Variants in USP49 observed in about 807,000 individuals in gnomAD.
USP49 encodes the protein ubiquitin carboxyl-terminal hydrolase 49.
USP49 carries 24 observed loss-of-function variants against 58.6 expected under a neutral mutation model. The ratio of observed to expected loss-of-function variants is 0.41; its 90% CI spans 0.30 to 0.58. USP49 has a LOEUF of 0.58. Among genes scored for constraint, USP49 ranks in the 20% least tolerant of loss-of-function variants. The pLI is 0.30. For synonymous variants in USP49, 408 were observed against 365.1 expected, an observed-to-expected ratio of 1.12 and a Z score of -1.34; for missense variants, 703 against 866.1, an observed-to-expected ratio of 0.81 and a Z score of 2.36.
chr6:41,820,143 A>G (rs750167842), intron 3 of USP49, among the ~76,000 whole-genome samples: 11 of 151,728 alleles, frequency 7.2e-5, no homozygotes, highest in Non-Finnish European at 1.3e-4. Flanking sequence ...CTGGGGAAAA[A>G]TGTTTTAAAA....
intron 3 of USP49, among the ~76,000 whole-genome samples, chr6:41,853,022 C>A (rs1774057391): frequency 1.3e-5 from 2 of 152,144 alleles, no homozygotes; most frequent in South Asian, 4.1e-4. Context: ...CCCATCTCTA[C>A]TAAAAATACA....
In USP49 at chr6:41,844,058, A is replaced by G. The variant is rs188513012; in HGVS notation, c.-29+27506T>C. Among the ~76,000 whole-genome samples, 628 of 151,918 alleles carry G rather than the reference A, an allele frequency of 4.1e-3. 5 individuals carry two copies. The highest frequency in any genetic ancestry group is 6.5e-3 in the Non-Finnish European group (439 of 67,974). ...AAAATCCATCTCAAAAAATAAATAA[A>G]TAAATACAAAAAATCAGCCAGGCAT... On this transcript the variant is annotated intron_variant, in intron 3 of 7. Transcript: ENST00000682992.
At position 41,791,738 on chromosome 6, in the gene USP49, A is replaced by C. The variant is rs1268396867; in HGVS notation, c.*4795T>G. 6.6e-6 allele frequency: 1 copy of C among 152,374 alleles called. No homozygotes were observed. The highest frequency in any genetic ancestry group is 2.1e-4 in the South Asian group (1 of 4,832). The allele number at this position is 152,374 out of a possible 1,614,324, so 9.4% of individuals were successfully genotyped here. On this transcript the variant is annotated 3_prime_UTR_variant, in exon 8 of 8. Coordinates refer to ENST00000682992, the MANE Select transcript of USP49 (RefSeq NM_001286554.2). ...AGTAGCTATGGTGTATTTAGTGCAGAGTGTGGGATGAATAAGTACATAGTA... is the reference window on the plus strand; with the variant it reads ...AGTAGCTATGGTGTATTTAGTGCAGCGTGTGGGATGAATAAGTACATAGTA...
chr6:41,840,672 T>C (rs1773809688), intron 3 of USP49, among the ~76,000 whole-genome samples: 1 of 152,192 alleles, frequency 6.6e-6, no homozygotes, highest in African/African-American at 2.4e-5. Context: ...GTATAAACTA[T>C]TGCTATTTTT....
chr6:41,815,775 G>A (rs1356920547), intron 3 of USP49, among the ~76,000 whole-genome samples: 1 of 152,204 alleles, frequency 6.6e-6, no homozygotes, highest in Non-Finnish European at 1.5e-5. Flanking sequence ...TGACATGCTA[G>A]GTGTGCCAGA....
At chr6:41,812,306 C>T (rs1274340615) in intron 3 of USP49, among the ~76,000 whole-genome samples, 3 of 151,412 alleles carry the variant, frequency 2.0e-5, no homozygotes, top group African/African-American at 7.3e-5. Context: ...CTTGAACTCC[C>T]GACCTCAGGT....
chr6:41,842,398 C>T (rs1210912175), intron 3 of USP49, among the ~76,000 whole-genome samples: 1 of 152,058 alleles, frequency 6.6e-6, no homozygotes, highest in Non-Finnish European at 1.5e-5. Context: ...CAAAAAAACA[C>T]ATACACAATG....
chr6:41,824,509 A>C (rs1582004568), intron 3 of USP49, among the ~76,000 whole-genome samples: 2 of 152,006 alleles, frequency 1.3e-5, no homozygotes, highest in African/African-American at 4.8e-5. Flanking sequence ...TCGGGAGTTC[A>C]AGACCAGCCT....
chr6:41,853,999 CGAAAAAAAA>C lies in USP49; in HGVS notation c.-29+17556_-29+17564del, dbSNP rs1250558598. Among the ~76,000 whole-genome samples, 13 of 58,864 alleles carry C rather than the reference CGAAAAAAAA, an allele frequency of 2.2e-4. No homozygotes were observed. In the East Asian group the frequency reaches 6.5e-3, roughly 29 times the overall value. The allele number at this position is 58,864 out of a possible 152,430, so 38.6% of individuals were successfully genotyped here. On this transcript the variant is annotated intron_variant, in intron 3 of 7. Coordinates refer to ENST00000682992, the MANE Select transcript of USP49 (RefSeq NM_001286554.2). ...GGGCAACAACAGCGAGACTCTGTCT[CGAAAAAAAA>C]AAAAAAAAAAAAAAAGAAGCAGGGT...
chr6:41,885,300 A>G (rs1774689769), intron 2 of USP49, among the ~76,000 whole-genome samples: 1 of 152,216 alleles, frequency 6.6e-6, no homozygotes, highest in African/African-American at 2.4e-5. Flanking sequence ...CTGGGCACAG[A>G]GAATAACATT....
At chr6:41,823,083 T>A (rs73424077) in intron 3 of USP49, among the ~76,000 whole-genome samples, 1,541 of 152,166 alleles carry the variant, frequency 0.01, 39 homozygotes, top group African/African-American at 0.036. Flanking sequence ...ACTCAAAATA[T>A]AGTATGTGAA....
chr6:41,796,239 A>T lies in USP49; in HGVS notation c.*294T>A. The T allele has an allele frequency of 5.8e-5, 16 of 278,244 alleles. No individual in the cohort carries two copies. Among genetic ancestry groups the T allele is most frequent in the Admixed American group, 9.0e-5 (2 of 22,114 alleles). The allele number at this position is 278,244 out of a possible 1,614,324, so 17.2% of individuals were successfully genotyped here. On this transcript the variant is annotated 3_prime_UTR_variant, in exon 8 of 8. Coordinates refer to ENST00000682992, the MANE Select transcript of USP49 (RefSeq NM_001286554.2). Reference sequence around the variant, plus strand: ...TCTCCTGTGTGGATATGATTGATTTACCCCCCCGCCCCGCTTTCCTCCACC... The same window carrying T: ...TCTCCTGTGTGGATATGATTGATTTTCCCCCCCGCCCCGCTTTCCTCCACC...
At chr6:41,802,503 T>C (rs1773038288) in intron 5 of USP49, among the ~76,000 whole-genome samples, 1 of 138,340 alleles carries the variant, frequency 7.2e-6, no homozygotes, top group Admixed American at 7.9e-5. Flanking sequence ...AGACAGCATC[T>C]CGCTCTGTCA....
intron 3 of USP49, among the ~76,000 whole-genome samples, chr6:41,810,202 C>T (rs144278758): frequency 0.011 from 1,678 of 151,474 alleles, 16 homozygotes; most frequent in Non-Finnish European, 0.017. Flanking sequence ...TAAAATAGGC[C>T]GGGTGCAGTG....
At chr6:41,882,791 C>T (rs887101376) in intron 2 of USP49, among the ~76,000 whole-genome samples, 1 of 152,164 alleles carries the variant, frequency 6.6e-6, no homozygotes, top group African/African-American at 2.4e-5. Context: ...TGGCACGCGT[C>T]TGTAGTCCCA....
intron 3 of USP49, among the ~76,000 whole-genome samples, chr6:41,870,954 G>A (rs1176331630): frequency 6.6e-6 from 1 of 151,972 alleles, no homozygotes; most frequent in Non-Finnish European, 1.5e-5. Context: ...GGGAGGCTGA[G>A]GCAAGAGAAT....
chr6:41,802,402 TTTATTTTTTATTTTA>T (rs1226234020), intron 5 of USP49, among the ~76,000 whole-genome samples: 2 of 124,574 alleles, frequency 1.6e-5, no homozygotes, highest in African/African-American at 3.2e-5. Context: ...TTTATTTTAT[TTTATTTTTTATTTTA>T]TTTTATTTTA....
At chr6:41,864,952 C>A (rs1201188870) in intron 3 of USP49, among the ~76,000 whole-genome samples, 1 of 152,048 alleles carries the variant, frequency 6.6e-6, no homozygotes, top group Non-Finnish European at 1.5e-5. Context: ...CAAAGAAAAT[C>A]TCACGCATTT....
intron 3 of USP49, among the ~76,000 whole-genome samples, chr6:41,822,532 CCAT>C (rs1346073058): frequency 6.6e-6 from 1 of 152,024 alleles, no homozygotes; most frequent in Non-Finnish European, 1.5e-5. Context: ...GGAAGGAGGC[CCAT>C]CATATTTTGC....
Sources: allele counts gnomAD v4.1 joint callset (sites outside exome capture counted in the v4.1 genomes callset), GRCh38; gene constraint gnomAD v4.1.1; transcripts MANE v1.5; gene names NCBI Gene and HGNC (gene_info 2026-07-23, HGNC 2026-07-21).